RGS9: variants seen among roughly 807,000 people sequenced by gnomAD.
RGS9 encodes the protein regulator of G protein signaling 9, also known as regulator of G-protein signalling 9.
A neutral mutation model predicts 102.0 loss-of-function variants in RGS9; 78 were observed. That is an observed-to-expected ratio of 0.76 (90% confidence interval 0.64 to 0.92). The LOEUF (loss-of-function observed/expected upper bound fraction) is 0.92. Ranked by LOEUF, RGS9 falls within the 40% of genes least tolerant of loss-of-function variation. The pLI, the probability that RGS9 is intolerant of heterozygous loss-of-function variation, is 0.00. For missense variants in RGS9, 833 were observed against 866.1 expected, an observed-to-expected ratio of 0.96 and a Z score of 0.48; for synonymous variants, 353 against 318.6, an observed-to-expected ratio of 1.11 and a Z score of -1.15.
intron 17 of RGS9, among the ~76,000 whole-genome samples, chr17:65,211,433 T>G (rs992852860): frequency 4.6e-5 from 7 of 152,218 alleles, no homozygotes; most frequent in African/African-American, 1.7e-4. Context: ...TCTTTTTGGC[T>G]AAAGAACAAA....
chr17:65,150,552 G>A (rs1230622312), intron 1 of RGS9, among the ~76,000 whole-genome samples: 1 of 152,078 alleles, frequency 6.6e-6, no homozygotes, highest in East Asian at 1.9e-4. Flanking sequence ...AACTCGGGAG[G>A]CGGAGATTGC....
intron 1 of RGS9, among the ~76,000 whole-genome samples, chr17:65,152,809 C>T (rs1341081502): frequency 2.0e-5 from 3 of 152,242 alleles, no homozygotes; most frequent in South Asian, 2.1e-4. Context: ...GGATTACAGG[C>T]GTGAGCCACT....
chr17:65,214,282 C>T (rs991378503), intron 17 of RGS9, among the ~76,000 whole-genome samples: 2 of 152,154 alleles, frequency 1.3e-5, no homozygotes. Flanking sequence ...ATTTTAAAGA[C>T]CTTTTTTGTG....
intron 17 of RGS9, among the ~76,000 whole-genome samples, chr17:65,216,042 G>A (rs761817783): frequency 3.3e-5 from 5 of 152,172 alleles, no homozygotes; most frequent in Non-Finnish European, 7.3e-5. Context: ...TGGAGGCATC[G>A]GGGAAACTGG....
In RGS9 at chr17:65,163,054, G is replaced by C. The variant is rs1911047337; in HGVS notation, c.465G>C (p.Trp155Cys). Reference protein sequence around the residue: ...NFLNQKMNYKWDFVIMQAKEQ... With the variant: ...NFLNQKMNYKCDFVIMQAKEQ... ...TGAACCAAAAAATGAACTATAAGTG[G>C]GACTTTGTCATTATGCAGGCCAAAG... The change falls in exon 7 of 19, where the codon TGG becomes TGC. Residue 155 changes from tryptophan to cysteine, a missense_variant. By Grantham distance (215) the Trp-to-Cys change is radical. Coordinates refer to ENST00000262406, the MANE Select transcript of RGS9 (RefSeq NM_003835.4). The C allele has an allele frequency of 6.2e-7, 1 of 1,603,482 alleles. No homozygotes were observed. Among genetic ancestry groups the C allele is most frequent in the African/African-American group, 1.3e-5 (1 of 74,094 alleles).
rs1296133572 is a variant in RGS9 at position 65,225,297 on chromosome 17, G to A, written c.1703G>A (p.Ser568Asn). ...EASLDTSWPR[S>N]RPRAPPKARM... ...TCCCTCGACACCTCCTGGCCTCGCA[G>A]CCGGCCCAGGGCCCCTCCTAAGGCC... The change falls in exon 18 of 19, where the codon AGC becomes AAC. Residue 568 changes from serine (S) to asparagine (N), a missense_variant. This residue lies in a region of RGS9 where 320 missense variants were observed against 276.8 expected (regional missense o/e 1.16). Transcript: ENST00000262406. 4 of 1,609,328 alleles carry A rather than the reference G, an allele frequency of 2.5e-6. No individual in the cohort carries two copies. The African/African-American group carries it at 5.3e-5, about 21-fold the overall frequency.
chr17:65,202,828 C>T (rs1429998569), intron 14 of RGS9, among the ~76,000 whole-genome samples: 1 of 152,198 alleles, frequency 6.6e-6, no homozygotes, highest in East Asian at 1.9e-4. Context: ...CAACACTCCT[C>T]CCCCTACAGG....
In RGS9 at chr17:65,190,166, C is replaced by T. The variant is rs1235935980; in HGVS notation, c.685-9C>T. 1 of 1,610,782 alleles carries T rather than the reference C, an allele frequency of 6.2e-7. No individual in the cohort carries two copies. The highest frequency in any genetic ancestry group is 2.2e-5 in the East Asian group (1 of 44,886). On this transcript the variant is annotated splice_polypyrimidine_tract_variant and intron_variant, in intron 10 of 18. Coordinates refer to ENST00000262406, the MANE Select transcript of RGS9 (RefSeq NM_003835.4). ...GTTGAATACCTTCTAACAACTGTGT[C>T]TCTTCCAGATCATGTATTACCAACA...
At chr17:65,139,821 T>C (rs1910087708) in intron 1 of RGS9, among the ~76,000 whole-genome samples, 1 of 152,206 alleles carries the variant, frequency 6.6e-6, no homozygotes, top group Non-Finnish European at 1.5e-5. Flanking sequence ...ATTGGTCATG[T>C]CACAGAGCTC....
At chr17:65,196,236 T>A (rs1912580974) in intron 12 of RGS9, among the ~76,000 whole-genome samples, 1 of 152,232 alleles carries the variant, frequency 6.6e-6, no homozygotes, top group South Asian at 2.1e-4. Flanking sequence ...GTTAATGTTA[T>A]CAGTTTTCTT....
intron 1 of RGS9, among the ~76,000 whole-genome samples, chr17:65,140,044 C>T (rs1376369659): frequency 1.3e-5 from 2 of 152,130 alleles, no homozygotes; most frequent in East Asian, 3.9e-4. Context: ...GAGGGGTGGG[C>T]ATTATGTGCA....
At position 65,160,586 on chromosome 17, in the gene RGS9, C is replaced by T. The variant is rs374076090; in HGVS notation, c.363C>T (p.Tyr121=). 32 of 1,613,894 alleles carry T rather than the reference C, an allele frequency of 2.0e-5. No homozygotes were observed. The highest frequency in any genetic ancestry group is 1.3e-4 in the African/African-American group (10 of 74,890). Residue 121 remains tyrosine (Y), a splice_region_variant and synonymous_variant, in exon 5 of 19, where the codon TAC becomes TAT. Coordinates refer to ENST00000262406, the MANE Select transcript of RGS9 (RefSeq NM_003835.4). ...TQQWPAEDTD[Y]AIYLAKRNIK... is the part of the protein sequence containing the mutation. Reference sequence around the variant, plus strand: ...AGTGGCCAGCTGAAGATACCGATTACGGTAAATACTTCAGCCCCAACTATG... The same window carrying T: ...AGTGGCCAGCTGAAGATACCGATTATGGTAAATACTTCAGCCCCAACTATG...
chr17:65,225,763 C>T (rs1352571381), intron 18 of RGS9, among the ~76,000 whole-genome samples: 2 of 152,190 alleles, frequency 1.3e-5, no homozygotes, highest in Non-Finnish European at 2.9e-5. Context: ...TTCTTCCACT[C>T]ACATTGTCCC....
chr17:65,215,489 G>A lies in RGS9; in HGVS notation c.1407+4884G>A, dbSNP rs9889732. On this transcript the variant is annotated intron_variant, in intron 17 of 18. Coordinates refer to ENST00000262406, the MANE Select transcript of RGS9 (RefSeq NM_003835.4). ...TTCTTTCTTTCTCTATCTTTCTTTC[G>A]TTCTTTCGTTCTTTCTTTCTTTCTT... Among the ~76,000 whole-genome samples the A allele has an allele frequency of 9.5e-5, 11 of 116,186 alleles. No individual in the cohort carries two copies. In the East Asian group the frequency reaches 2.4e-3, roughly 25 times the overall value. The allele number at this position is 116,186 out of a possible 152,430, so 76.2% of individuals were successfully genotyped here. A position where few individuals can be genotyped will look rare whatever the true frequency, so the allele number is the denominator to read the frequency against.
At chr17:65,157,753 A>G (rs1316569931) in intron 2 of RGS9, among the ~76,000 whole-genome samples, 1 of 152,086 alleles carries the variant, frequency 6.6e-6, no homozygotes, top group Non-Finnish European at 1.5e-5. Flanking sequence ...CAAGTTTAGA[A>G]GTTTCTGACT....
chr17:65,179,401 A>G (rs1170877765), intron 9 of RGS9, among the ~76,000 whole-genome samples: 1 of 152,118 alleles, frequency 6.6e-6, no homozygotes, highest in Non-Finnish European at 1.5e-5. Flanking sequence ...TTGCCAGAGA[A>G]CAGATCACTG....
At chr17:65,167,496 C>A (rs900095296) in intron 7 of RGS9, among the ~76,000 whole-genome samples, 2 of 152,110 alleles carry the variant, frequency 1.3e-5, no homozygotes, top group Non-Finnish European at 2.9e-5. Flanking sequence ...GCCACTGCGC[C>A]GGGCCATAAA....
intron 1 of RGS9, among the ~76,000 whole-genome samples, chr17:65,141,941 T>C (rs534772786): frequency 8.5e-5 from 13 of 152,284 alleles, no homozygotes; most frequent in African/African-American, 2.9e-4. Context: ...TTGGCGTTGA[T>C]GGAGAAGACT....
chr17:65,210,431 C>A, intron 16 of RGS9, 57 bp from the exon 17 acceptor site: 1 of 1,577,342 alleles, frequency 6.3e-7, no homozygotes, highest in South Asian at 1.1e-5. Context: ...GTGACAGGGT[C>A]AGTGTTGGGC....
Sources: gnomAD v4.1 joint callset for allele counts (sites outside exome capture counted in the v4.1 genomes callset) on GRCh38, gnomAD v4.1.1 for gene constraint, gnomAD v4.1.1 regional missense constraint, MANE v1.5 for transcripts, NCBI Gene and HGNC (gene_info 2026-07-23, HGNC 2026-07-21) for gene names.